Variants in ATP13A4 observed in about 807,000 individuals in gnomAD.
ATP13A4 encodes the protein ATPase 13A4.
In ATP13A4, 114 loss-of-function variants were observed where a neutral mutation model predicts 142.5. That is an observed-to-expected ratio of 0.80 (90% CI 0.69 to 0.93). ATP13A4 has a LOEUF of 0.93. Ranked by LOEUF, ATP13A4 falls within the 40% of genes least tolerant of loss-of-function variation. The probability of loss-of-function intolerance (pLI) is 0.00; values close to 1 mark genes in which losing one functional copy is unlikely to be tolerated. For missense variants in ATP13A4, 1,392 were observed against 1,454.0 expected, an observed-to-expected ratio of 0.96 and a Z score of 0.69; for synonymous variants, 488 against 514.8, an observed-to-expected ratio of 0.95 and a Z score of 0.70.
intron 1 of ATP13A4, among the ~76,000 whole-genome samples, chr3:193,524,032 A>G (rs1319149630): frequency 6.6e-6 from 1 of 152,192 alleles, no homozygotes; most frequent in Non-Finnish European, 1.5e-5. Context: ...AAGCAGCATG[A>G]AGCCCTCCCC....
intron 25 of ATP13A4, among the ~76,000 whole-genome samples, chr3:193,417,668 G>A (rs746961099): frequency 2.8e-4 from 42 of 151,084 alleles, no homozygotes; most frequent in Non-Finnish European, 4.7e-4. Flanking sequence ...AGTGTGCTGG[G>A]AGTTCTACCC....
intron 23 of ATP13A4, among the ~76,000 whole-genome samples, chr3:193,437,044 C>T (rs1315812631): frequency 1.5e-5 from 2 of 135,742 alleles, no homozygotes; most frequent in Non-Finnish European, 3.0e-5. Context: ...GCGGAGCTTG[C>T]AGTGAGCCGA....
At chr3:193,528,609 C>T (rs889332783) in intron 1 of ATP13A4, among the ~76,000 whole-genome samples, 3 of 152,030 alleles carry the variant, frequency 2.0e-5, no homozygotes, top group African/African-American at 7.3e-5. Flanking sequence ...GATGCCATAC[C>T]CAGCTGATGA....
intron 1 of ATP13A4, among the ~76,000 whole-genome samples, chr3:193,548,078 T>C (rs1723326117): frequency 6.6e-6 from 1 of 152,162 alleles, no homozygotes; most frequent in African/African-American, 2.4e-5. Context: ...TATGGTTAAT[T>C]AACTCTGAAG....
At position 193,571,010 on chromosome 3, in the gene ATP13A4, G is replaced by T. The variant is rs1044752967; in HGVS notation, n.291+10697C>A. ...AATAAGTATCTGGCCAGGTGTGGTA[G>T]CTCATGCCTGTAATCCCAGCACTTT... On this transcript the variant is annotated intron_variant and non_coding_transcript_variant, in intron 2 of 3. Transcript: ENST00000489140. Among the ~76,000 whole-genome samples the T allele has an allele frequency of 2.0e-5, 3 of 152,174 alleles. No individual in the cohort carries two copies. The East Asian group carries it at 5.8e-4, about 29-fold the overall frequency.
At chr3:193,502,271 C>G (rs1425582898) in intron 3 of ATP13A4, among the ~76,000 whole-genome samples, 1 of 152,144 alleles carries the variant, frequency 6.6e-6, no homozygotes, top group East Asian at 1.9e-4. Context: ...TTATTATCAT[C>G]ATTTTGTAGA....
At chr3:193,511,781 T>C (rs1017112009) in intron 2 of ATP13A4, among the ~76,000 whole-genome samples, 1 of 150,754 alleles carries the variant, frequency 6.6e-6, no homozygotes, top group Non-Finnish European at 1.5e-5. Flanking sequence ...ATTCTCACAC[T>C]GCCCCATTTT....
At position 193,469,767 on chromosome 3, in the gene ATP13A4, T is replaced by C. The variant is rs142557878; in HGVS notation, c.943+1092A>G. On this transcript the variant is annotated intron_variant, in intron 9 of 29. Coordinates refer to ENST00000342695, the MANE Select transcript of ATP13A4 (RefSeq NM_032279.4). Reference sequence around the variant, plus strand: ...GTAATGAATGAAGCCATGAAATAACTGTGGCCTGTTCTGAGGAACAAGTTT... The same window carrying C: ...GTAATGAATGAAGCCATGAAATAACCGTGGCCTGTTCTGAGGAACAAGTTT... Among the ~76,000 whole-genome samples, 207 of 152,332 alleles carry C rather than the reference T, an allele frequency of 1.4e-3. 1 individual carries two copies. The highest frequency in any genetic ancestry group is 4.8e-3 in the African/African-American group (200 of 41,580).
intron 25 of ATP13A4, among the ~76,000 whole-genome samples, chr3:193,429,934 G>T (rs929624416): frequency 4.3e-4 from 65 of 151,986 alleles, no homozygotes; most frequent in Non-Finnish European, 5.6e-4. Flanking sequence ...ATAAAAATAG[G>T]TTTTTCTCTG....
intron 2 of ATP13A4, among the ~76,000 whole-genome samples, chr3:193,504,947 T>C (rs1487780299): frequency 1.3e-5 from 2 of 152,164 alleles, no homozygotes; most frequent in Non-Finnish European, 2.9e-5. Context: ...AGAAATTTTG[T>C]TATGTTATCT....
chr3:193,470,742 G>C, intron 9 of ATP13A4, 117 bp downstream of exon 9: 1 of 1,459,112 alleles, frequency 6.9e-7, no homozygotes, highest in Non-Finnish European at 9.6e-7. Flanking sequence ...TCCCATAGCA[G>C]CCAGTGCTTT....
intron 1 of ATP13A4, 151 bp downstream of exon 1, chr3:193,554,589 A>G (rs1723783894): frequency 1.0e-6 from 1 of 963,188 alleles, no homozygotes; most frequent in Admixed American, 1.9e-5. Context: ...TTTCTCAAAC[A>G]TGACCTTTTC....
chr3:193,458,033 TCC>T (rs1717738914), intron 14 of ATP13A4, among the ~76,000 whole-genome samples: 1 of 152,136 alleles, frequency 6.6e-6, no homozygotes, highest in Non-Finnish European at 1.5e-5. Context: ...GCTGACAAGG[TCC>T]CAGAGAGAAA....
intron 1 of ATP13A4, among the ~76,000 whole-genome samples, chr3:193,552,294 A>G (rs570346140): frequency 6.6e-6 from 1 of 152,322 alleles, no homozygotes; most frequent in Admixed American, 6.5e-5. Context: ...TTTAACTCCA[A>G]AATGGAAGAT....
chr3:193,443,495 C>A (rs1716774483), intron 18 of ATP13A4, among the ~76,000 whole-genome samples: 2 of 150,968 alleles, frequency 1.3e-5, no homozygotes, highest in South Asian at 4.1e-4. Context: ...TGGTTGATTG[C>A]TAGCCCAAAA....
chr3:193,513,291 C>T (rs1721233589), intron 2 of ATP13A4, among the ~76,000 whole-genome samples: 1 of 152,180 alleles, frequency 6.6e-6, no homozygotes, highest in Non-Finnish European at 1.5e-5. Context: ...TGATTGCTAT[C>T]CTTCTCTCTT....
chr3:193,399,271 G>A lies in ATP13A4; in HGVS notation c.*3381C>T, dbSNP rs921654094. ...AAGTGTATTGATAACAGGTTGCTCC[G>A]CCCTCAAGTTTAGGGCACTCTCCCA... On this transcript the variant is annotated 3_prime_UTR_variant, in exon 30 of 30. Transcript: ENST00000342695. Among the ~76,000 whole-genome samples the A allele has an allele frequency of 1.3e-5, 2 of 152,100 alleles. No individual in the cohort carries two copies. Among genetic ancestry groups the A allele is most frequent in the Non-Finnish European group, 2.9e-5 (2 of 68,010 alleles).
chr3:193,579,351 G>A, intron 2 of ATP13A4: 1 of 224,512 alleles, frequency 4.5e-6, no homozygotes, highest in Non-Finnish European at 8.7e-6. Context: ...CAGTAGTGGT[G>A]GACCTGCTCG....
intron 2 of ATP13A4, among the ~76,000 whole-genome samples, chr3:193,580,835 A>C (rs1453592449): frequency 6.6e-6 from 1 of 152,202 alleles, no homozygotes; most frequent in Non-Finnish European, 1.5e-5. Flanking sequence ...GAAAGAAAAA[A>C]CTAAATTGCA....
Sources: gnomAD v4.1 joint callset for allele counts (sites outside exome capture counted in the v4.1 genomes callset) on GRCh38, gnomAD v4.1.1 for gene constraint, MANE v1.5 for transcripts, NCBI Gene and HGNC (gene_info 2026-07-23, HGNC 2026-07-21) for gene names.